PPFIBP1: variants seen among roughly 807,000 people sequenced by gnomAD.
PPFIBP1 encodes the protein liprin-beta-1.
In PPFIBP1, 112 loss-of-function variants were observed where a neutral mutation model predicts 137.8. The ratio of observed to expected loss-of-function variants is 0.81; its 90% CI spans 0.70 to 0.95. The LOEUF is 0.95. Ranked by LOEUF, PPFIBP1 falls within the 40% of genes least tolerant of loss-of-function variation. The pLI, the probability that PPFIBP1 is intolerant of heterozygous loss-of-function variation, is 0.00. For synonymous variants in PPFIBP1, 378 were observed against 417.3 expected, an observed-to-expected ratio of 0.91 and a Z score of 1.15; for missense variants, 1,083 against 1,196.6, an observed-to-expected ratio of 0.91 and a Z score of 1.40.
chr12:27,618,888 G>T lies in PPFIBP1; in HGVS notation c.-35-14474G>T, dbSNP rs549085875. Among the ~76,000 whole-genome samples, 11 of 152,278 alleles carry T rather than the reference G, an allele frequency of 7.2e-5. No individual in the cohort carries two copies. In the South Asian group the frequency reaches 2.3e-3, roughly 32 times the overall value. ...TGGGTCTTTAGTCCTTAAAAAGCTC[G>T]ATCTAGTAGAGACAACATTCCAAGG... On this transcript the variant is annotated intron_variant, in intron 2 of 29. Transcript: ENST00000228425.
chr12:27,689,515 A>G lies in PPFIBP1; in HGVS notation c.2685+312A>G, dbSNP rs140435411. ...AGGGTCGCAGTAACAATGTTTATTT[A>G]AAGGGACAGTACACTCCAAAAACCA... On this transcript the variant is annotated intron_variant, in intron 27 of 29. Coordinates refer to ENST00000228425, the MANE Select transcript of PPFIBP1 (RefSeq NM_003622.4). 3.6e-3 allele frequency among the ~76,000 whole-genome samples: 550 copies of G among 152,282 alleles called. 1 individual carries two copies. The highest frequency in any genetic ancestry group is 0.013 in the African/African-American group (522 of 41,542).
intron 10 of PPFIBP1, 72 bp from the exon 11 acceptor site, chr12:27,660,812 G>A: frequency 6.4e-7 from 1 of 1,553,332 alleles, no homozygotes. Flanking sequence ...ATTTCAGTCT[G>A]GAGAGTAAAT....
intron 1 of PPFIBP1, among the ~76,000 whole-genome samples, chr12:27,577,103 A>C (rs1449274813): frequency 6.6e-6 from 1 of 152,116 alleles, no homozygotes; most frequent in Non-Finnish European, 1.5e-5. Flanking sequence ...ATGTGATTTG[A>C]TGGGGTGTTG....
In PPFIBP1 at chr12:27,680,071, G is replaced by A. The variant is rs758273869; in HGVS notation, c.1895+10G>A. The A allele has an allele frequency of 1.2e-6, 2 of 1,613,354 alleles. No individual in the cohort carries two copies. Among genetic ancestry groups the A allele is most frequent in the Non-Finnish European group, 1.7e-6 (2 of 1,179,568 alleles). ...TGGGACAGTCTAACAGGTAAGAAGA[G>A]CCAACTGATAGACTTTTGCATCTCT... is the stretch of plus-strand genomic sequence containing the variant. On this transcript the variant is annotated intron_variant, in intron 21 of 29. Coordinates refer to ENST00000228425, the MANE Select transcript of PPFIBP1 (RefSeq NM_003622.4).
intron 22 of PPFIBP1, 27 bp downstream of exon 22, chr12:27,681,723 C>T (rs1474508904): frequency 5.0e-6 from 8 of 1,611,436 alleles, no homozygotes; most frequent in Non-Finnish European, 5.9e-6. Flanking sequence ...TTTGTTCACA[C>T]AATGGATACT....
intron 1 of PPFIBP1, among the ~76,000 whole-genome samples, chr12:27,570,604 G>A (rs1457881148): frequency 6.6e-6 from 1 of 152,130 alleles, no homozygotes; most frequent in Non-Finnish European, 1.5e-5. Flanking sequence ...TCATATGATA[G>A]CATACCTCAG....
At chr12:27,586,714 A>G (rs780903265) in intron 2 of PPFIBP1, among the ~76,000 whole-genome samples, 1 of 151,932 alleles carries the variant, frequency 6.6e-6, no homozygotes, top group Non-Finnish European at 1.5e-5. Context: ...AAAAAAGCCT[A>G]TAAGAGCACC....
intron 1 of PPFIBP1, among the ~76,000 whole-genome samples, chr12:27,534,922 G>A (rs1944819590): frequency 6.6e-6 from 1 of 152,104 alleles, no homozygotes; most frequent in South Asian, 2.1e-4. Flanking sequence ...TGACATTAGG[G>A]GTATGTGAGA....
Position 27,681,677 on chromosome 12 carries a change from C to G in PPFIBP1, c.2027C>G (p.Ser676Cys). The G allele has an allele frequency of 6.2e-7, 1 of 1,614,126 alleles. No homozygotes were observed. The highest frequency in any genetic ancestry group is 8.5e-7 in the Non-Finnish European group (1 of 1,180,000). Residue 676 changes from serine to cysteine, a missense_variant, in exon 22 of 30, where the codon TCT (serine) becomes TGT (cysteine). By Grantham distance (112) the Ser-to-Cys change is moderately radical. Transcript: ENST00000228425. ...IASGQTLLQA[S>C]QQDLEKELGI... ...TCTGGCCAAACGCTTTTGCAGGCTTCTCAACAAGATCTAGAGAAGGTGACT... is the reference window on the plus strand; with the variant it reads ...TCTGGCCAAACGCTTTTGCAGGCTTGTCAACAAGATCTAGAGAAGGTGACT...
intron 5 of PPFIBP1, 131 bp downstream of exon 5, chr12:27,646,279 A>G (rs376616359): frequency 1.9e-5 from 14 of 736,680 alleles, no homozygotes; most frequent in East Asian, 1.4e-4. Context: ...CCATCTGTAC[A>G]CAATAGGGAG....
chr12:27,664,269 A>G, intron 11 of PPFIBP1, 93 bp from the exon 12 acceptor site: 1 of 797,972 alleles, frequency 1.3e-6, no homozygotes, highest in East Asian at 2.7e-5. Context: ...CGTATTCTTT[A>G]TGTAATTACT....
chr12:27,640,163 G>A (rs747050141), intron 4 of PPFIBP1, among the ~76,000 whole-genome samples: 1 of 152,134 alleles, frequency 6.6e-6, no homozygotes, highest in Non-Finnish European at 1.5e-5. Flanking sequence ...TGATCAAATC[G>A]GCAGAATTCT....
chr12:27,603,714 C>G (rs191698391), intron 2 of PPFIBP1, among the ~76,000 whole-genome samples: 105 of 152,326 alleles, frequency 6.9e-4, no homozygotes, highest in Middle Eastern at 6.8e-3. Flanking sequence ...GAGAGCCACA[C>G]TGGAGACCAT....
chr12:27,621,690 A>G lies in PPFIBP1; in HGVS notation c.-35-11672A>G, dbSNP rs191991396. Among the ~76,000 whole-genome samples, 4 of 152,238 alleles carry G rather than the reference A, an allele frequency of 2.6e-5. No individual in the cohort carries two copies. The East Asian group carries it at 7.7e-4, about 29-fold the overall frequency. ...TAACTGACACCCAGTTGGAATAGAA[A>G]CCAACAGAAATTACCTACAAGACAA... On this transcript the variant is annotated intron_variant, in intron 2 of 29. Transcript: ENST00000228425.
intron 1 of PPFIBP1, among the ~76,000 whole-genome samples, chr12:27,541,654 C>G (rs975963369): frequency 2.0e-5 from 3 of 152,214 alleles, no homozygotes; most frequent in African/African-American, 7.2e-5. Context: ...GCTGCACTAA[C>G]TGTAGCTTGA....
chr12:27,597,836 C>T (rs1471640068), intron 2 of PPFIBP1, among the ~76,000 whole-genome samples: 1 of 152,058 alleles, frequency 6.6e-6, no homozygotes, highest in Non-Finnish European at 1.5e-5. Flanking sequence ...TGGAGTTTTG[C>T]TCTTGCTGCC....
chr12:27,688,052 A>G (rs905023518), intron 25 of PPFIBP1: 27 of 382,564 alleles, frequency 7.1e-5, no homozygotes, highest in Non-Finnish European at 1.0e-4. Context: ...TACCACTGCA[A>G]CGCCAGCGTG....
intron 27 of PPFIBP1, among the ~76,000 whole-genome samples, chr12:27,690,424 G>A (rs891545563): frequency 6.6e-6 from 1 of 152,196 alleles, no homozygotes; most frequent in Non-Finnish European, 1.5e-5. Flanking sequence ...GAGGGTCCAA[G>A]GTTCATGTCC....
rs2060883625 is a variant in PPFIBP1, at chr12:27,681,705, TTC to T, written c.2046+13_2046+14del. 5 of 1,613,644 alleles carry T rather than the reference TTC, an allele frequency of 3.1e-6. No individual in the cohort carries two copies. The South Asian group carries it at 5.5e-5, about 18-fold the overall frequency. On this transcript the variant is annotated intron_variant, in intron 22 of 29. Coordinates refer to ENST00000228425, the MANE Select transcript of PPFIBP1 (RefSeq NM_003622.4). ...AACAAGATCTAGAGAAGGTGACTGC[TTC>T]TCTGTTTTGTTCACACAATGGATAC...
Sources: gnomAD v4.1 joint callset for allele counts (sites outside exome capture counted in the v4.1 genomes callset) on GRCh38, gnomAD v4.1.1 for gene constraint, MANE v1.5 for transcripts, NCBI Gene and HGNC (gene_info 2026-07-23, HGNC 2026-07-21) for gene names.